Variants in OSTF1 observed in about 807,000 individuals in gnomAD.
OSTF1 encodes osteoclast stimulating factor 1.
Under a neutral mutation model 37.2 loss-of-function variants are expected in OSTF1, and 27 were observed. The ratio of observed to expected loss-of-function variants is 0.73; its 90% CI spans 0.54 to 1.00. The LOEUF is 1.00. OSTF1 is among the 50% of genes least tolerant of loss of function. The pLI, the probability that OSTF1 is intolerant of heterozygous loss-of-function variation, is 0.00. For missense variants in OSTF1, 232 were observed against 253.8 expected, an observed-to-expected ratio of 0.91 and a Z score of 0.58; for synonymous variants, 82 against 89.2, an observed-to-expected ratio of 0.92 and a Z score of 0.46.
At chr9:75,133,061 G>A (rs7040169) in intron 5 of OSTF1, among the ~76,000 whole-genome samples, 104,448 of 151,496 alleles carry the variant, frequency 0.69, 36,172 homozygotes, top group Non-Finnish European at 0.71. Context: ...ATACCCATTT[G>A]GGCAACTATT....
intron 5 of OSTF1, among the ~76,000 whole-genome samples, chr9:75,132,337 A>T (rs868539509): frequency 1.1e-5 from 1 of 89,166 alleles, no homozygotes; most frequent in Non-Finnish European, 2.6e-5. Flanking sequence ...AAGATCCTTG[A>T]CCAAACAACG....
intron 3 of OSTF1, among the ~76,000 whole-genome samples, chr9:75,129,816 CTTAT>C (rs1825735291): frequency 6.6e-6 from 1 of 152,112 alleles, no homozygotes; most frequent in Non-Finnish European, 1.5e-5. Context: ...TTGTATAGCC[CTTAT>C]TTGAGTCCCA....
chr9:75,100,815 T>C (rs1028627398), intron 1 of OSTF1, among the ~76,000 whole-genome samples: 6 of 152,038 alleles, frequency 3.9e-5, no homozygotes, highest in Non-Finnish European at 7.4e-5. Context: ...AGGTAAGAAT[T>C]TGACCGTGGA....
At chr9:75,141,312 C>CAAAAAAAAAAAAAAAAAA (rs529293090) in intron 9 of OSTF1, among the ~76,000 whole-genome samples, 20 of 71,680 alleles carry the variant, frequency 2.8e-4, no homozygotes, top group Non-Finnish European at 4.0e-4. Context: ...AAAAGAAAAC[C>CAAAAAAAAAAAAAAAAAA]AAAAAAAAAA....
chr9:75,110,546 T>G (rs1422937729), intron 1 of OSTF1, among the ~76,000 whole-genome samples: 1 of 152,178 alleles, frequency 6.6e-6, no homozygotes, highest in African/African-American at 2.4e-5. Context: ...TCATAGCCAT[T>G]GTAAGTGAAG....
chr9:75,120,999 C>G (rs912971322), intron 2 of OSTF1, among the ~76,000 whole-genome samples: 1 of 152,182 alleles, frequency 6.6e-6, no homozygotes, highest in Non-Finnish European at 1.5e-5. Flanking sequence ...GTATTTCAGT[C>G]CTGCTCATAG....
intron 2 of OSTF1, among the ~76,000 whole-genome samples, chr9:75,118,825 A>G (rs755484517): frequency 2.6e-5 from 4 of 152,204 alleles, no homozygotes; most frequent in African/African-American, 4.8e-5. Context: ...CCATGATTCA[A>G]TTATCTCCCA....
intron 1 of OSTF1, among the ~76,000 whole-genome samples, chr9:75,103,348 A>G (rs528879634): frequency 1.7e-4 from 26 of 152,362 alleles, no homozygotes; most frequent in African/African-American, 6.3e-4. Flanking sequence ...AAAGGGCATT[A>G]AAAGAGAACA....
In OSTF1 at chr9:75,138,095, T is replaced by A. The variant is rs1394347766; in HGVS notation, c.487+479T>A. On this transcript the variant is annotated intron_variant, in intron 8 of 9. Coordinates refer to ENST00000346234, the MANE Select transcript of OSTF1 (RefSeq NM_012383.5). ...AACGAGAGAGGATATCTTGATCCCCTGTTTTTATAAGTCAGAGGAAACAGT... is the reference window on the plus strand; with the variant it reads ...AACGAGAGAGGATATCTTGATCCCCAGTTTTTATAAGTCAGAGGAAACAGT... Among the ~76,000 whole-genome samples, 4 of 152,234 alleles carry A rather than the reference T, an allele frequency of 2.6e-5. No homozygotes were observed. The East Asian group carries it at 7.7e-4, about 29-fold the overall frequency.
In OSTF1 at chr9:75,140,947, T is replaced by C; in HGVS notation, c.586+15T>C. On this transcript the variant is annotated intron_variant, in intron 9 of 9. Transcript: ENST00000346234. ...ACAGGGAACAGGTATTTGTTTTAAA[T>C]TCTTCTTTCTCCTCTGGTGCCCCAT... 1 of 1,542,926 alleles carries C rather than the reference T, an allele frequency of 6.5e-7. No homozygotes were observed. Among genetic ancestry groups the C allele is most frequent in the Non-Finnish European group, 9.0e-7 (1 of 1,116,004 alleles).
chr9:75,131,769 G>C lies in OSTF1; in HGVS notation c.197-1G>C. On this transcript the variant is annotated splice_acceptor_variant, in intron 4 of 9. Transcript: ENST00000346234. LOFTEE classifies it high-confidence loss of function. ...GTTAACACTTTTTATTTTCAATCTA[G>C]TGGCTGAGCAGGCAGAATCCATTGA... The C allele has an allele frequency of 6.2e-7, 1 of 1,613,030 alleles. No homozygotes were observed. The highest frequency in any genetic ancestry group is 8.5e-7 in the Non-Finnish European group (1 of 1,179,114).
At chr9:75,146,506 A>G (rs1202795022) in intron 9 of OSTF1, among the ~76,000 whole-genome samples, 177 bp from the exon 10 acceptor site, 2 of 152,266 alleles carry the variant, frequency 1.3e-5, no homozygotes, top group Non-Finnish European at 2.9e-5. Flanking sequence ...CTCTGTGGCA[A>G]CAGAAACTTA....
In OSTF1 at chr9:75,134,366, A is replaced by T; in HGVS notation, c.379A>T (p.Thr127Ser). The change falls in exon 7 of 10, where the codon ACT becomes TCT. Residue 127 changes from threonine to serine, a missense_variant. Thr to Ser is a moderately conservative substitution (Grantham distance 58). Transcript: ENST00000346234. ...GHKDIVEMLF[T>S]QPNIELNQQN... Reference sequence around the variant, plus strand: ...TTCAGATATAGTGGAAATGCTATTTACTCAACCAAATATTGAACTGAACCA... The same window carrying T: ...TTCAGATATAGTGGAAATGCTATTTTCTCAACCAAATATTGAACTGAACCA... 6.4e-7 allele frequency: 1 copy of T among 1,569,954 alleles called. No individual in the cohort carries two copies. Among genetic ancestry groups the T allele is most frequent in the Non-Finnish European group, 8.7e-7 (1 of 1,145,222 alleles).
chr9:75,118,772 A>C (rs1825533504), intron 2 of OSTF1, among the ~76,000 whole-genome samples: 1 of 152,190 alleles, frequency 6.6e-6, no homozygotes, highest in South Asian at 2.1e-4. Flanking sequence ...ACATCTTGTG[A>C]GACTTATTCA....
At chr9:75,112,080 G>A (rs1249264774) in intron 1 of OSTF1, among the ~76,000 whole-genome samples, 1 of 149,410 alleles carries the variant, frequency 6.7e-6, no homozygotes, top group Non-Finnish European at 1.5e-5. Context: ...ACCTCAGCCT[G>A]GCTGGGATTA....
intron 3 of OSTF1, among the ~76,000 whole-genome samples, chr9:75,128,607 T>TATA (rs1447776973): frequency 4.7e-5 from 5 of 105,738 alleles, no homozygotes; most frequent in Middle Eastern, 4.6e-3. Context: ...TATATATATA[T>TATA]TTTGTCCATA....
At chr9:75,143,545 G>A (rs566827654) in intron 9 of OSTF1, among the ~76,000 whole-genome samples, 84 of 152,162 alleles carry the variant, frequency 5.5e-4, no homozygotes, top group African/African-American at 2.0e-3. Flanking sequence ...TTATGTAAAT[G>A]GAATCAAACA....
At chr9:75,098,216 A>G (rs1047541866) in intron 1 of OSTF1, among the ~76,000 whole-genome samples, 1 of 151,928 alleles carries the variant, frequency 6.6e-6, no homozygotes, top group African/African-American at 2.4e-5. Flanking sequence ...CCACTTCCCA[A>G]CTCCCAGCTA....
intron 3 of OSTF1, 125 bp downstream of exon 3, chr9:75,127,744 C>A: frequency 1.8e-6 from 1 of 544,784 alleles, no homozygotes; most frequent in Non-Finnish European, 3.3e-6. Context: ...CATTTTAGCA[C>A]AATTGATAGT....
Sources: gnomAD v4.1 joint callset for allele counts (sites outside exome capture counted in the v4.1 genomes callset) on GRCh38, gnomAD v4.1.1 for gene constraint, MANE v1.5 for transcripts, NCBI Gene and HGNC (gene_info 2026-07-23, HGNC 2026-07-21) for gene names.